Variants in TACR3 observed in about 807,000 individuals in gnomAD.
TACR3 encodes the protein neuromedin-K receptor.
TACR3 carries 34 observed loss-of-function variants against 35.0 expected under a neutral mutation model. The ratio of observed to expected loss-of-function variants is 0.97; its 90% confidence interval spans 0.74 to 1.30. TACR3 has a LOEUF of 1.30. Among genes scored for constraint, TACR3 ranks in the 50% most tolerant of loss-of-function variants. The pLI is 0.00. For missense variants in TACR3, 558 were observed against 591.7 expected (o/e 0.94, Z 0.59); for synonymous variants, 233 against 221.1 (o/e 1.05, Z -0.48).
chr4:103,682,378 G>A (rs1722118774), intron 1 of TACR3, among the ~76,000 whole-genome samples: 1 of 152,128 alleles, frequency 6.6e-6, no homozygotes, highest in Admixed American at 6.6e-5. Flanking sequence ...GAGGACTCAG[G>A]AAACTTACAA....
At chr4:103,616,145 A>G (rs1724653228) in intron 3 of TACR3, among the ~76,000 whole-genome samples, 1 of 152,230 alleles carries the variant, frequency 6.6e-6, no homozygotes, top group Non-Finnish European at 1.5e-5. Flanking sequence ...GAAGAATGCA[A>G]AGTTTTAAGT....
In TACR3 at chr4:103,690,535, A is replaced by T. The variant is rs188237463; in HGVS notation, c.548+28593T>A. On this transcript the variant is annotated intron_variant, in intron 1 of 4. Transcript: ENST00000304883. ...ACAAAAGGGAAATAGACAATTCAATAAGAATAGTTATAGACGTCAATAAAC... is the reference window on the plus strand; with the variant it reads ...ACAAAAGGGAAATAGACAATTCAATTAGAATAGTTATAGACGTCAATAAAC... Among the ~76,000 whole-genome samples, 488 of 152,250 alleles carry T rather than the reference A, an allele frequency of 3.2e-3. 3 individuals are homozygous for T. Among genetic ancestry groups the T allele is most frequent in the Non-Finnish European group, 5.4e-3 (365 of 67,984 alleles).
chr4:103,639,123 A>G (rs1176547857), intron 3 of TACR3, among the ~76,000 whole-genome samples: 4 of 152,140 alleles, frequency 2.6e-5, no homozygotes, highest in Admixed American at 6.5e-5. Context: ...TCATGCTGCT[A>G]TAAAGACACA....
At chr4:103,595,349 C>T (rs1225347991) in intron 3 of TACR3, among the ~76,000 whole-genome samples, 1 of 152,034 alleles carries the variant, frequency 6.6e-6, no homozygotes, top group Non-Finnish European at 1.5e-5. Flanking sequence ...CACCCATTAC[C>T]CTTGGAAACT....
intron 3 of TACR3, among the ~76,000 whole-genome samples, chr4:103,655,198 G>A (rs1199145510): frequency 1.3e-5 from 2 of 152,026 alleles, no homozygotes; most frequent in African/African-American, 4.8e-5. Context: ...CAGAGAAAAA[G>A]CACTATTAAA....
chr4:103,587,019 C>G lies in TACR3; in HGVS notation c.*2663G>C, dbSNP rs778873501. ...AACCTGGGCTGTTTTAACCATCTGC[C>G]TAGTAGTCTGAGCCAGTGTTTGCCT... On this transcript the variant is annotated 3_prime_UTR_variant, in exon 5 of 5. Coordinates refer to ENST00000304883, the MANE Select transcript of TACR3 (RefSeq NM_001059.3). 2.0e-5 allele frequency: 3 copies of G among 151,912 alleles called. No homozygotes were observed. The highest frequency in any genetic ancestry group is 4.4e-5 in the Non-Finnish European group (3 of 67,992). The allele number at this position is 151,912 out of a possible 1,614,324, so 9.4% of individuals were successfully genotyped here.
At chr4:103,655,389 A>G (rs1725711033) in intron 3 of TACR3, among the ~76,000 whole-genome samples, 1 of 152,176 alleles carries the variant, frequency 6.6e-6, no homozygotes, top group Non-Finnish European at 1.5e-5. Flanking sequence ...CATAATCAGT[A>G]GGATTCATTC....
At chr4:103,612,465 G>A (rs1303505437) in intron 3 of TACR3, among the ~76,000 whole-genome samples, 1 of 150,694 alleles carries the variant, frequency 6.6e-6, no homozygotes, top group Non-Finnish European at 1.5e-5. Context: ...TTATTTAGGG[G>A]TTATCTTTGC....
At chr4:103,623,074 TAAC>T (rs1291406636) in intron 3 of TACR3, among the ~76,000 whole-genome samples, 1 of 152,148 alleles carries the variant, frequency 6.6e-6, no homozygotes, top group Non-Finnish European at 1.5e-5. Context: ...CAAATTTAAA[TAAC>T]AAAGTCTTTA....
At chr4:103,604,781 A>G (rs1332630464) in intron 3 of TACR3, among the ~76,000 whole-genome samples, 1 of 148,084 alleles carries the variant, frequency 6.8e-6, no homozygotes, top group African/African-American at 2.7e-5. Flanking sequence ...CAAACATATG[A>G]AAGAAAGCTC....
chr4:103,717,614 A>T (rs542873108), intron 1 of TACR3, among the ~76,000 whole-genome samples: 1 of 152,284 alleles, frequency 6.6e-6, no homozygotes, highest in Admixed American at 6.5e-5. Flanking sequence ...TCTTTCAAGA[A>T]GACTGTAAGA....
intron 3 of TACR3, among the ~76,000 whole-genome samples, chr4:103,641,290 C>T (rs1276603601): frequency 6.6e-6 from 1 of 151,752 alleles, no homozygotes; most frequent in Non-Finnish European, 1.5e-5. Context: ...CAGTACCATA[C>T]CATTTTGATT....
chr4:103,687,081 G>C (rs1165837377), intron 1 of TACR3, among the ~76,000 whole-genome samples: 1 of 151,916 alleles, frequency 6.6e-6, no homozygotes, highest in African/African-American at 2.4e-5. Flanking sequence ...GGGATGCAAG[G>C]CTGGTTCAAT....
In TACR3 at chr4:103,640,476, A is replaced by G. The variant is rs528867238; in HGVS notation, c.888+15718T>C. Among the ~76,000 whole-genome samples, 86 of 152,066 alleles carry G rather than the reference A, an allele frequency of 5.7e-4. 1 individual carries two copies. Among genetic ancestry groups the G allele is most frequent in the African/African-American group, 2.0e-3 (84 of 41,498 alleles). ...CCATTTGTATACTTTCATTTGAGAA[A>G]TGTCTGTTTAGTTCTTTTGCCCATT... On this transcript the variant is annotated intron_variant, in intron 3 of 4. Coordinates refer to ENST00000304883, the MANE Select transcript of TACR3 (RefSeq NM_001059.3).
chr4:103,637,405 C>A (rs969318702), intron 3 of TACR3, among the ~76,000 whole-genome samples: 1 of 152,114 alleles, frequency 6.6e-6, no homozygotes, highest in African/African-American at 2.4e-5. Flanking sequence ...ATGCTAAAAA[C>A]TCTCAATAAA....
chr4:103,677,785 A>C (rs1159550432), intron 1 of TACR3, among the ~76,000 whole-genome samples: 1 of 152,092 alleles, frequency 6.6e-6, no homozygotes, highest in East Asian at 1.9e-4. Context: ...TGATGAAACG[A>C]TCTGTTTGGC....
chr4:103,632,262 G>C (rs10516504), intron 3 of TACR3, among the ~76,000 whole-genome samples: 4,160 of 152,114 alleles, frequency 0.027, 173 homozygotes, highest in African/African-American at 0.095. Context: ...TAGAAATCTT[G>C]TCATTATACA....
At chr4:103,590,752 C>A (rs528006200) in intron 4 of TACR3, among the ~76,000 whole-genome samples, 1 of 152,156 alleles carries the variant, frequency 6.6e-6, no homozygotes, top group African/African-American at 2.4e-5. Flanking sequence ...ACAGGACTTA[C>A]GAGCCCTATG....
chr4:103,680,497 A>ACG (rs1258369712), intron 1 of TACR3, among the ~76,000 whole-genome samples: 4 of 146,158 alleles, frequency 2.7e-5, no homozygotes, highest in African/African-American at 1.0e-4. Context: ...ACATACATAC[A>ACG]CACACACACA....
Sources: allele counts gnomAD v4.1 joint callset (sites outside exome capture counted in the v4.1 genomes callset), GRCh38; gene constraint gnomAD v4.1.1; transcripts MANE v1.5; gene names NCBI Gene and HGNC (gene_info 2026-07-23, HGNC 2026-07-21).